The following NAALADL2 variants were observed in gnomAD, a reference collection of about 807,000 sequenced individuals.
The protein encoded by NAALADL2 is N-acetylated alpha-linked acidic dipeptidase like 2.
Under a neutral mutation model 87.2 loss-of-function variants are expected in NAALADL2, and 76 were observed. The ratio of observed to expected loss-of-function variants is 0.87; its 90% CI spans 0.72 to 1.05. NAALADL2 has a LOEUF of 1.05. NAALADL2 is among the 50% of genes least tolerant of loss of function. NAALADL2 has a pLI of 0.00. For synonymous variants in NAALADL2, 354 were observed against 331.0 expected (o/e 1.07, Z -0.75); for missense variants, 1,089 against 945.8 (o/e 1.15, Z -1.99).
chr3:174,959,823 C>A (rs79824857), intron 1 of NAALADL2, among the ~76,000 whole-genome samples: 6 of 152,022 alleles, frequency 3.9e-5, no homozygotes, highest in Non-Finnish European at 8.8e-5. Flanking sequence ...CATTTTAATA[C>A]GCAAGGCAAT....
intron 7 of NAALADL2, among the ~76,000 whole-genome samples, chr3:175,466,396 T>C (rs1724025452): frequency 6.6e-6 from 1 of 152,180 alleles, no homozygotes. Context: ...TTTTGAATGA[T>C]TGCATTAAAT....
intron 2 of NAALADL2, among the ~76,000 whole-genome samples, chr3:175,231,264 C>T (rs1237373591): frequency 6.6e-6 from 1 of 151,006 alleles, no homozygotes; most frequent in Non-Finnish European, 1.5e-5. Context: ...AAAAACTATT[C>T]TTGGGGCTTT....
At chr3:175,423,911 A>T (rs1289929499) in intron 5 of NAALADL2, among the ~76,000 whole-genome samples, 2 of 152,188 alleles carry the variant, frequency 1.3e-5, no homozygotes, top group East Asian at 3.9e-4. Context: ...ATTTGTCCAC[A>T]TCCTCTCCAG....
intron 5 of NAALADL2, among the ~76,000 whole-genome samples, chr3:175,409,795 T>G (rs1713138057): frequency 6.6e-6 from 1 of 152,010 alleles, no homozygotes; most frequent in Non-Finnish European, 1.5e-5. Flanking sequence ...TGTATAAACT[T>G]AGAGAAAGAA....
intron 3 of NAALADL2, among the ~76,000 whole-genome samples, chr3:174,818,558 A>G (rs1045338392): frequency 6.6e-6 from 1 of 152,220 alleles, no homozygotes; most frequent in African/African-American, 2.4e-5. Context: ...AACACATACC[A>G]GGAAACTGTG....
rs148150155 is a variant in NAALADL2 at position 175,011,393 on chromosome 3, G to C, written c.44-85397G>C. Among the ~76,000 whole-genome samples the C allele has an allele frequency of 1.5e-4, 22 of 151,568 alleles. No homozygotes were observed. The East Asian group carries it at 4.3e-3, about 30-fold the overall frequency. ...TGTGTAATCATTGACCCAGCTTGTT[G>C]GTCACTGGACCACTTTCCATGTAAA... On this transcript the variant is annotated intron_variant, in intron 1 of 13. Transcript: ENST00000454872.
chr3:175,451,157 T>C (rs934556751), intron 6 of NAALADL2, among the ~76,000 whole-genome samples: 24 of 152,130 alleles, frequency 1.6e-4, no homozygotes, highest in African/African-American at 5.8e-4. Context: ...AATACATTAC[T>C]CCTTTGTTTC....
intron 3 of NAALADL2, among the ~76,000 whole-genome samples, chr3:174,817,079 G>T (rs1002664567): frequency 6.6e-6 from 1 of 152,058 alleles, no homozygotes. Flanking sequence ...ATTTCCTTTG[G>T]TTACTTTGGT....
intron 13 of NAALADL2, among the ~76,000 whole-genome samples, chr3:175,780,189 T>C (rs566564007): frequency 2.7e-5 from 4 of 150,392 alleles, no homozygotes; most frequent in Admixed American, 1.3e-4. Flanking sequence ...GGCAGGAGAA[T>C]GGCATAAATC....
At chr3:175,019,433 A>G (rs1344941098) in intron 1 of NAALADL2, among the ~76,000 whole-genome samples, 1 of 152,092 alleles carries the variant, frequency 6.6e-6, no homozygotes, top group Non-Finnish European at 1.5e-5. Context: ...TATAACATAT[A>G]TAAAGTAATT....
chr3:175,116,735 C>CAACA (rs1200368374), intron 2 of NAALADL2, among the ~76,000 whole-genome samples: 1 of 151,284 alleles, frequency 6.6e-6, no homozygotes, highest in African/African-American at 2.4e-5. Flanking sequence ...AAAACAAAAC[C>CAACA]ACAACAACAA....
intron 4 of NAALADL2, among the ~76,000 whole-genome samples, chr3:175,313,159 G>A (rs1758601515): frequency 6.6e-6 from 1 of 151,906 alleles, no homozygotes; most frequent in African/African-American, 2.4e-5. Context: ...CTGAGTACCT[G>A]AGTCATATTG....
chr3:174,973,414 T>G (rs1354113124), intron 1 of NAALADL2, among the ~76,000 whole-genome samples: 3 of 152,328 alleles, frequency 2.0e-5, no homozygotes, highest in East Asian at 3.9e-4. Context: ...CAGATTCCAA[T>G]GAGTTGCATG....
At chr3:174,607,456 A>T (rs1176800598) in intron 2 of NAALADL2, among the ~76,000 whole-genome samples, 3 of 150,604 alleles carry the variant, frequency 2.0e-5, no homozygotes, top group Non-Finnish European at 4.4e-5. Context: ...GGCTCAAAAT[A>T]AAAGGATGGA....
At chr3:175,082,084 A>T (rs1200649566) in intron 1 of NAALADL2, among the ~76,000 whole-genome samples, 4 of 152,092 alleles carry the variant, frequency 2.6e-5, no homozygotes, top group Non-Finnish European at 5.9e-5. Flanking sequence ...ATTAAAACAC[A>T]ATAAGTGACG....
At chr3:174,980,720 T>A (rs1174757593) in intron 1 of NAALADL2, among the ~76,000 whole-genome samples, 1 of 152,176 alleles carries the variant, frequency 6.6e-6, no homozygotes, top group Non-Finnish European at 1.5e-5. Flanking sequence ...TTAATTATAA[T>A]ACATAGGGCT....
Position 175,226,553 on chromosome 3 carries a change from T to G in NAALADL2, c.546-7378T>G, listed in dbSNP as rs891691123. On this transcript the variant is annotated intron_variant, in intron 2 of 13. Transcript: ENST00000454872. The stretch of plus-strand genomic sequence containing the variant: ...TAGTAGAAAACTGACTTATTTAATC[T>G]AGGACGTTCAACATCTTGATTGCAT... 2.6e-5 allele frequency among the ~76,000 whole-genome samples: 4 copies of G among 152,138 alleles called. No individual in the cohort carries two copies. In the East Asian group the frequency reaches 5.8e-4, roughly 22 times the overall value.
intron 1 of NAALADL2, among the ~76,000 whole-genome samples, chr3:174,873,635 A>G (rs1728134618): frequency 6.6e-6 from 1 of 152,026 alleles, no homozygotes; most frequent in Non-Finnish European, 1.5e-5. Flanking sequence ...GCTTTTGAAC[A>G]TACATCAGTC....
At chr3:175,742,683 C>T (rs1745404607) in intron 12 of NAALADL2, among the ~76,000 whole-genome samples, 1 of 152,190 alleles carries the variant, frequency 6.6e-6, no homozygotes, top group Non-Finnish European at 1.5e-5. Flanking sequence ...AGGCGTGAGC[C>T]ACCGCGCCCG....
Sources: allele counts gnomAD v4.1 joint callset (sites outside exome capture counted in the v4.1 genomes callset), GRCh38; gene constraint gnomAD v4.1.1; transcripts MANE v1.5; gene names NCBI Gene and HGNC (gene_info 2026-07-23, HGNC 2026-07-21).